TRMT112: variants seen among roughly 807,000 people sequenced by gnomAD.
TRMT112 encodes multifunctional methyltransferase subunit TRM112-like protein.
In TRMT112, 9 loss-of-function variants were observed where a neutral mutation model predicts 13.8. That is an observed-to-expected ratio of 0.65 (90% CI 0.39 to 1.14). TRMT112 has a LOEUF of 1.14. Ranked by LOEUF, TRMT112 falls within the 50% of genes most tolerant of loss-of-function variation. TRMT112 has a pLI of 0.01. For synonymous variants in TRMT112, 64 were observed against 67.0 expected, an observed-to-expected ratio of 0.96 and a Z score of 0.22; for missense variants, 196 against 165.5, an observed-to-expected ratio of 1.18 and a Z score of -1.01.
chr11:64,317,014 G>C, intron 3 of TRMT112, 44 bp downstream of exon 3: 1 of 1,610,658 alleles, frequency 6.2e-7, no homozygotes, highest in Non-Finnish European at 8.5e-7. Flanking sequence ...GCCTCAGTGC[G>C]GGAGGCAGGT....
In TRMT112 at chr11:64,316,883, C is replaced by T; in HGVS notation, c.356G>A (p.Ser119Asn). 6.2e-7 allele frequency: 1 copy of T among 1,601,858 alleles called. No homozygotes were observed. Among genetic ancestry groups the T allele is most frequent in the Non-Finnish European group, 8.5e-7 (1 of 1,170,200 alleles). ...CAATCAACTCTCAGTTTCCTCTTCA[C>T]TCAGCAGCATGTTGGGGATCCCGCG... ...ISRGIPNMLL[S>N]EEETES The change falls in exon 4 of 4, where the codon AGT becomes AAT. Residue 119 changes from serine (S) to asparagine (N), a missense_variant. Transcript: ENST00000544844.
chr11:64,318,408 C>G (rs751417950), upstream of TRMT112: 1 of 1,589,700 alleles, frequency 6.3e-7, no homozygotes, highest in Non-Finnish European at 8.5e-7. Context: ...CCCGGCCGGG[C>G]CTGACATCCC....
chr11:64,317,926 C>G (rs868043066), upstream of TRMT112: 3 of 1,373,202 alleles, frequency 2.2e-6, no homozygotes, highest in African/African-American at 4.5e-5. Context: ...ACCGCCCTAT[C>G]TGTAAATTAG....
upstream of TRMT112, chr11:64,317,665 T>G (rs1591251964): frequency 1.0e-6 from 1 of 984,642 alleles, no homozygotes; most frequent in East Asian, 2.7e-5. Flanking sequence ...TTCTCGTGTT[T>G]GTGGGAGCTG....
upstream of TRMT112, chr11:64,317,628 A>ACC: frequency 7.8e-7 from 1 of 1,281,492 alleles, no homozygotes; most frequent in Non-Finnish European, 1.1e-6. Context: ...TAGCCAGGAG[A>ACC]ACCGGAAGTG....
chr11:64,317,575 C>G (rs367914811), upstream of TRMT112: 1 of 1,483,166 alleles, frequency 6.7e-7, no homozygotes, highest in Non-Finnish European at 9.1e-7. Context: ...AGGTCGTCCT[C>G]CGCTGCCTCA....
In TRMT112 at chr11:64,316,875, C is replaced by T. The variant is rs765806942; in HGVS notation, c.364G>A (p.Glu122Lys). 6.3e-7 allele frequency: 1 copy of T among 1,594,854 alleles called. No homozygotes were observed. The highest frequency in any genetic ancestry group is 1.7e-5 in the Admixed American group (1 of 60,002). Residue 122 changes from glutamate to lysine, a missense_variant, in exon 4 of 4, where the codon GAA becomes AAA. Transcript: ENST00000544844. The stretch of plus-strand genomic sequence containing the variant: ...GCCTGGCACAATCAACTCTCAGTTT[C>T]CTCTTCACTCAGCAGCATGTTGGGG... The part of the protein sequence containing the change: ...GIPNMLLSEE[E>K]TES
upstream of TRMT112, chr11:64,318,066 C>T (rs1206616485): frequency 7.6e-6 from 11 of 1,443,046 alleles, no homozygotes; most frequent in East Asian, 7.6e-5. Flanking sequence ...GTCCCGGAAG[C>T]TCTGTTCTGC....
At chr11:64,318,278 C>A, upstream of TRMT112, 3 of 1,612,442 alleles carry the variant, frequency 1.9e-6, no homozygotes, top group Non-Finnish European at 2.5e-6. Context: ...TCGGTGGGGC[C>A]GGCGGTCAGT....
Position 64,317,139 on chromosome 11 carries a change from C to G in TRMT112, c.189G>C (p.Leu63=), listed in dbSNP as rs138657153. 8.7e-6 allele frequency: 14 copies of G among 1,614,086 alleles called. No individual in the cohort carries two copies. The Admixed American group carries it at 1.0e-4, about 12-fold the overall frequency. ...AFLEAADNLR[L]IQVPKGPVEG... ...CAACCGGCCCTTTCGGCACCTGGAT[C>G]AGACGCAACTGTGGGCAAGAGGCCA... The change falls in exon 3 of 4, where the codon CTG becomes CTC. Residue 63 remains leucine, a synonymous_variant. Coordinates refer to ENST00000544844, the MANE Select transcript of TRMT112 (RefSeq NM_016404.3).
At chr11:64,317,595 A>T (rs368657247), upstream of TRMT112, 29 of 1,438,076 alleles carry the variant, frequency 2.0e-5, no homozygotes, top group East Asian at 2.2e-4. Context: ...ACTTCCGGGG[A>T]TGCTCCTCTC....
upstream of TRMT112, chr11:64,317,964 T>C (rs2035351638): frequency 4.3e-6 from 6 of 1,393,460 alleles, no homozygotes; most frequent in East Asian, 1.7e-4. Context: ...CGCACCTCAT[T>C]CCTATATGCA....
chr11:64,316,530 G>A lies in TRMT112; in HGVS notation c.*331C>T, dbSNP rs1428784565. Reference sequence around the variant, plus strand: ...TCAGCTCCCAACGAGCCTCCTCAGGGGGTAGGAGAGCACTGCCTCTATGCC... The same window carrying A: ...TCAGCTCCCAACGAGCCTCCTCAGGAGGTAGGAGAGCACTGCCTCTATGCC... On this transcript the variant is annotated 3_prime_UTR_variant, in exon 4 of 4. Transcript: ENST00000544844. The A allele has an allele frequency of 7.5e-6, 2 of 267,342 alleles. No homozygotes were observed. Among genetic ancestry groups the A allele is most frequent in the Non-Finnish European group, 1.5e-5 (2 of 136,674 alleles). 16.6% of individuals were successfully genotyped at this position (267,342 alleles called of 1,614,324 possible). A position where few individuals can be genotyped will look rare whatever the true frequency, so the allele number is the denominator to read the frequency against.
At chr11:64,317,204 G>C (rs2035311098) in intron 2 of TRMT112, 57 bp from the exon 3 acceptor site, 2 of 1,610,392 alleles carry the variant, frequency 1.2e-6, no homozygotes, top group Non-Finnish European at 1.7e-6. Flanking sequence ...CCTCAGCCCG[G>C]CTGAGGTGTG....
In TRMT112 at chr11:64,317,392, C is replaced by T. The variant is rs770744162; in HGVS notation, c.79-27G>A. ...TGCAGGGCGGAGGAGTTTAGGCAAGCACTGGACCCCGGCCCACCATCCCGC... is the reference window on the plus strand; with the variant it reads ...TGCAGGGCGGAGGAGTTTAGGCAAGTACTGGACCCCGGCCCACCATCCCGC... On this transcript the variant is annotated intron_variant, in intron 1 of 3. Transcript: ENST00000544844. 3 of 1,614,092 alleles carry T rather than the reference C, an allele frequency of 1.9e-6. No individual in the cohort carries two copies. In the South Asian group the frequency reaches 3.3e-5, roughly 18 times the overall value.
upstream of TRMT112, chr11:64,318,092 C>T (rs935278655): frequency 2.0e-6 from 3 of 1,474,696 alleles, no homozygotes; most frequent in Admixed American, 7.8e-5. Flanking sequence ...GCCGCTCGCG[C>T]CTGCGCAGTG....
At chr11:64,317,209 G>T in intron 2 of TRMT112, 55 bp downstream of exon 2, 1 of 1,610,088 alleles carries the variant, frequency 6.2e-7, no homozygotes, top group Non-Finnish European at 8.5e-7. Context: ...GCCCGGCTGA[G>T]GTGTGCCCGC....
At chr11:64,318,025 C>T, upstream of TRMT112, 4 of 1,413,790 alleles carry the variant, frequency 2.8e-6, no homozygotes, top group South Asian at 6.1e-5. Context: ...GTTGCGTCGG[C>T]TGTCCAGCAC....
chr11:64,318,029 C>T (rs375334607), upstream of TRMT112: 3 of 1,428,882 alleles, frequency 2.1e-6, no homozygotes, highest in East Asian at 5.1e-5. Flanking sequence ...CGTCGGCTGT[C>T]CAGCACCCAG....
Sources: allele counts gnomAD v4.1 joint callset, GRCh38; gene constraint gnomAD v4.1.1; transcripts MANE v1.5; gene names NCBI Gene and HGNC (gene_info 2026-07-23, HGNC 2026-07-21).